Variants in BICD2 observed in about 807,000 individuals in gnomAD.
The protein encoded by BICD2 is BICD cargo adaptor 2.
Under a neutral mutation model 72.9 loss-of-function variants are expected in BICD2, and 25 were observed. The ratio of observed to expected loss-of-function variants is 0.34; its 90% CI spans 0.25 to 0.48. The LOEUF is 0.48. Among genes scored for constraint, BICD2 ranks in the 20% least tolerant of loss-of-function variants. The pLI, the probability that BICD2 is intolerant of heterozygous loss-of-function variation, is 0.99. For missense variants in BICD2, 894 were observed against 1,175.2 expected (o/e 0.76, Z 3.50); for synonymous variants, 501 against 516.1 (o/e 0.97, Z 0.40).
rs1853204622 is a variant in BICD2 at position 92,712,028 on chromosome 9, T to C, written c.*3126A>G. On this transcript the variant is annotated 3_prime_UTR_variant, in exon 7 of 7. Transcript: ENST00000356884. ...TAGTTACACCAAGCAAGAGAAGATA[T>C]AATGTCTCGCTTTCACATTTGCAAA... The C allele has an allele frequency of 6.6e-6, 1 of 152,594 alleles. No homozygotes were observed. The highest frequency in any genetic ancestry group is 6.5e-5 in the Admixed American group (1 of 15,276). The allele number at this position is 152,594 out of a possible 1,614,324, so 9.5% of individuals were successfully genotyped here.
At chr9:92,715,504 G>T in intron 6 of BICD2, 41 bp from the exon 7 acceptor site, 1 of 1,544,652 alleles carries the variant, frequency 6.5e-7, no homozygotes, top group Non-Finnish European at 8.8e-7. Flanking sequence ...GGGCAGAGCC[G>T]AGCAGAGGAG....
chr9:92,746,434 A>G (rs1854015053), intron 1 of BICD2, among the ~76,000 whole-genome samples: 1 of 151,746 alleles, frequency 6.6e-6, no homozygotes, highest in Non-Finnish European at 1.5e-5. Context: ...TGGGAGGCTG[A>G]GGCAAGAAAA....
intron 1 of BICD2, among the ~76,000 whole-genome samples, chr9:92,757,312 C>CAAAAAAAAAAAAAAAAAAA (rs1169381290): frequency 1.2e-3 from 64 of 52,738 alleles, no homozygotes; most frequent in South Asian, 2.8e-3. Flanking sequence ...AGACTGTCTC[C>CAAAAAAAAAAAAAAAAAAA]AAAAAAAAAA....
rs548139405 is a variant in BICD2 at position 92,722,883 on chromosome 9, G to A, written c.454-75C>T. ...AGAGGGGCTCAGTGCAGCCAGGCAC[G>A]CCATGGCCAGCCATACAGCCAGAAC... On this transcript the variant is annotated intron_variant, in intron 2 of 6. Coordinates refer to ENST00000356884, the MANE Select transcript of BICD2 (RefSeq NM_001003800.2). 2.7e-4 allele frequency: 418 copies of A among 1,559,236 alleles called. 1 individual carries two copies. The highest frequency in any genetic ancestry group is 5.1e-4 in the Middle Eastern group (3 of 5,842).
intron 1 of BICD2, among the ~76,000 whole-genome samples, chr9:92,733,123 T>C (rs1170644629): frequency 6.6e-6 from 1 of 152,158 alleles, no homozygotes; most frequent in East Asian, 1.9e-4. Flanking sequence ...ATCAAAACAA[T>C]GTGGTACTAG....
chr9:92,756,129 A>G (rs2131534456), intron 1 of BICD2, among the ~76,000 whole-genome samples: 1 of 152,348 alleles, frequency 6.6e-6, no homozygotes, highest in South Asian at 2.1e-4. Flanking sequence ...CCACTAGATG[A>G]CAACATCACC....
At position 92,713,485 on chromosome 9, in the gene BICD2, G is replaced by A. The variant is rs372258246; in HGVS notation, c.*1669C>T. On this transcript the variant is annotated 3_prime_UTR_variant, in exon 7 of 7. Transcript: ENST00000356884. ...AGCTGAAAACGGGAGAAAAGAGAGCGTTAGAAAGCGGTCATCTGTCGCTTC... is the reference window on the plus strand; with the variant it reads ...AGCTGAAAACGGGAGAAAAGAGAGCATTAGAAAGCGGTCATCTGTCGCTTC... 1.0e-5 allele frequency: 16 copies of A among 1,586,278 alleles called. No homozygotes were observed. The highest frequency in any genetic ancestry group is 6.7e-5 in the African/African-American group (5 of 74,538).
In BICD2 at chr9:92,720,845, C is replaced by A; in HGVS notation, c.607-90G>T. 1 of 1,341,144 alleles carries A rather than the reference C, an allele frequency of 7.5e-7. No individual in the cohort carries two copies. The highest frequency in any genetic ancestry group is 1.0e-6 in the Non-Finnish European group (1 of 990,808). 83.1% of individuals were successfully genotyped at this position (1,341,144 alleles called of 1,614,324 possible). ...TGAAGAAAACACACCAGCACACCAACTCCGGCCACTATGAAGCAAAAGATG... is the reference window on the plus strand; with the variant it reads ...TGAAGAAAACACACCAGCACACCAAATCCGGCCACTATGAAGCAAAAGATG... On this transcript the variant is annotated intron_variant, in intron 3 of 6. Coordinates refer to ENST00000356884, the MANE Select transcript of BICD2 (RefSeq NM_001003800.2). The surrounding 1 kb of genome is among the most constrained non-coding windows in gnomAD (Gnocchi z 5.4).
chr9:92,716,006 C>T (rs549980963), intron 6 of BICD2, among the ~76,000 whole-genome samples: 3 of 152,294 alleles, frequency 2.0e-5, no homozygotes, highest in African/African-American at 7.2e-5. Context: ...TCAACAGCTT[C>T]ATCCTGAAAC....
chr9:92,734,666 A>G (rs1214548281), intron 1 of BICD2, among the ~76,000 whole-genome samples: 4 of 151,314 alleles, frequency 2.6e-5, no homozygotes. Flanking sequence ...GCAATTAAGC[A>G]CTAAGAAGAG....
At chr9:92,728,198 G>C (rs992706244) in intron 2 of BICD2, among the ~76,000 whole-genome samples, 2 of 152,176 alleles carry the variant, frequency 1.3e-5, no homozygotes, top group Non-Finnish European at 2.9e-5. Context: ...TGGCCACATC[G>C]TTCCCCTGGG....
chr9:92,718,482 GGAAA>G, intron 5 of BICD2, 53 bp downstream of exon 5: 14 of 1,547,414 alleles, frequency 9.0e-6, no homozygotes, highest in African/African-American at 1.4e-5. Flanking sequence ...AGGCCAAGGG[GGAAA>G]CACCCTTAGG....
At chr9:92,761,332 C>A (rs1264649220) in intron 1 of BICD2, among the ~76,000 whole-genome samples, 1 of 152,234 alleles carries the variant, frequency 6.6e-6, no homozygotes, top group Non-Finnish European at 1.5e-5. Flanking sequence ...GAGATTCAGT[C>A]CGCAGAAGAC....
chr9:92,751,141 T>TG (rs1186537556), intron 1 of BICD2, among the ~76,000 whole-genome samples: 1 of 148,476 alleles, frequency 6.7e-6, no homozygotes. Flanking sequence ...TTTTTTGTTG[T>TG]TGTTGTTGTT....
At chr9:92,723,327 T>C (rs191331712) in intron 2 of BICD2, among the ~76,000 whole-genome samples, 13 of 152,320 alleles carry the variant, frequency 8.5e-5, no homozygotes, top group African/African-American at 2.6e-4. Context: ...CATTGACTGA[T>C]GAATGAATAA....
rs1295077139 is a variant in BICD2 at position 92,720,874 on chromosome 9, C to T, written c.607-119G>A. The T allele has an allele frequency of 7.3e-5, 81 of 1,104,728 alleles. No individual in the cohort carries two copies. The highest frequency in any genetic ancestry group is 9.1e-5 in the Non-Finnish European group (72 of 790,544). The allele number at this position is 1,104,728 out of a possible 1,614,324, so 68.4% of individuals were successfully genotyped here. On this transcript the variant is annotated intron_variant, in intron 3 of 6. Coordinates refer to ENST00000356884, the MANE Select transcript of BICD2 (RefSeq NM_001003800.2). The surrounding 1 kb of genome is among the most constrained non-coding windows in gnomAD (Gnocchi z 5.4). ...GGCCACTATGAAGCAAAAGATGAAGCGCCAGGTGAGGTGCCATCCTGGGAA... is the reference window on the plus strand; with the variant it reads ...GGCCACTATGAAGCAAAAGATGAAGTGCCAGGTGAGGTGCCATCCTGGGAA...
At chr9:92,732,571 A>G (rs1345873604) in intron 1 of BICD2, among the ~76,000 whole-genome samples, 1 of 152,244 alleles carries the variant, frequency 6.6e-6, no homozygotes, top group African/African-American at 2.4e-5. Flanking sequence ...TATTTAAATC[A>G]GCCAGAAGAA....
intron 2 of BICD2, 135 bp downstream of exon 2, chr9:92,728,889 A>T: frequency 1.1e-6 from 1 of 934,182 alleles, no homozygotes; most frequent in Non-Finnish European, 1.6e-6. Flanking sequence ...GGATGAGACC[A>T]GGAAAGCAAG....
At chr9:92,728,056 A>G (rs890007570) in intron 2 of BICD2, among the ~76,000 whole-genome samples, 6 of 152,086 alleles carry the variant, frequency 3.9e-5, no homozygotes, top group Non-Finnish European at 7.4e-5. Context: ...ACCTTCCCTG[A>G]GCCTCCTGTT....
Sources: allele counts gnomAD v4.1 joint callset (sites outside exome capture counted in the v4.1 genomes callset), GRCh38; gene constraint gnomAD v4.1.1; non-coding constraint Gnocchi (gnomAD v3.1); transcripts MANE v1.5; gene names NCBI Gene and HGNC (gene_info 2026-07-23, HGNC 2026-07-21).